TPCN1: variants seen among roughly 807,000 people sequenced by gnomAD.
The protein encoded by TPCN1 is two pore segment channel 1, also known as two pore channel protein 1.
In TPCN1, 52 loss-of-function variants were observed where a neutral mutation model predicts 108.8. The observed-to-expected ratio is 0.48, with a 90% CI of 0.38 to 0.60. The LOEUF is 0.60. Among genes scored for constraint, TPCN1 ranks in the 20% least tolerant of loss-of-function variants. TPCN1 has a pLI of 0.00. For synonymous variants in TPCN1, 446 were observed against 433.7 expected, an observed-to-expected ratio of 1.03 and a Z score of -0.35; for missense variants, 806 against 1,072.8, an observed-to-expected ratio of 0.75 and a Z score of 3.47.
rs1956427568 is a variant in TPCN1, at chr12:113,296,288, C to T, written c.*212C>T. 1.8e-5 allele frequency: 12 copies of T among 677,286 alleles called. No homozygotes were observed. Among genetic ancestry groups the T allele is most frequent in the South Asian group, 2.4e-5 (1 of 42,550 alleles). The allele number at this position is 677,286 out of a possible 1,614,324, so 42.0% of individuals were successfully genotyped here. ...GCCAGTTTGGTGAGGGGTGGGGGTG[C>T]GGCCACCAGGTCTGAGCTCTTCCTA... is the stretch of plus-strand genomic sequence containing the variant. On this transcript the variant is annotated 3_prime_UTR_variant, in exon 28 of 28. Coordinates refer to ENST00000335509, the MANE Select transcript of TPCN1 (RefSeq NM_017901.6).
intron 2 of TPCN1, among the ~76,000 whole-genome samples, chr12:113,237,362 T>C (rs1484245327): frequency 1.3e-5 from 2 of 151,920 alleles, no homozygotes; most frequent in Non-Finnish European, 2.9e-5. Flanking sequence ...CCTACTTCTT[T>C]TTTTTTTTTC....
intron 24 of TPCN1, 71 bp from the exon 25 acceptor site, chr12:113,291,803 G>A: frequency 6.4e-7 from 1 of 1,568,438 alleles, no homozygotes; most frequent in African/African-American, 1.3e-5. Context: ...GTTGGGCGTG[G>A]GCTGCGCAGC....
At chr12:113,280,568 T>G (rs954552705) in intron 15 of TPCN1, among the ~76,000 whole-genome samples, 2 of 152,194 alleles carry the variant, frequency 1.3e-5, no homozygotes, top group Admixed American at 1.3e-4. Flanking sequence ...TTTCCTGGAA[T>G]TTGGTAGTTC....
At chr12:113,278,330 C>T (rs1490563359) in intron 13 of TPCN1, 93 bp downstream of exon 13, 5 of 1,180,142 alleles carry the variant, frequency 4.2e-6, no homozygotes, top group Non-Finnish European at 5.1e-6. Flanking sequence ...CCAGCTCTCT[C>T]CCTGCTAGAG....
intron 1 of TPCN1, among the ~76,000 whole-genome samples, chr12:113,223,237 A>T (rs760396650): frequency 6.6e-6 from 1 of 152,234 alleles, no homozygotes; most frequent in African/African-American, 2.4e-5. Flanking sequence ...CCTTGTTTCA[A>T]AACGTTGTAC....
At position 113,289,959 on chromosome 12, in the gene TPCN1, T is replaced by C; in HGVS notation, c.1797-169T>C. 1 of 566,722 alleles carries C rather than the reference T, an allele frequency of 1.8e-6. No individual in the cohort carries two copies. The highest frequency in any genetic ancestry group is 2.2e-5 in the South Asian group (1 of 45,748). 35.1% of individuals were successfully genotyped at this position (566,722 alleles called of 1,614,324 possible). ...AGGCAGGAATAGCCAAGGGCATTCCTTCAGCAGGGACCCAGGCATGAGGTG... is the reference window on the plus strand; with the variant it reads ...AGGCAGGAATAGCCAAGGGCATTCCCTCAGCAGGGACCCAGGCATGAGGTG... On this transcript the variant is annotated intron_variant, in intron 21 of 27. Transcript: ENST00000335509. The surrounding 1 kb of genome is among the most constrained non-coding windows in gnomAD (Gnocchi z 4.1).
intron 2 of TPCN1, among the ~76,000 whole-genome samples, chr12:113,230,281 A>ATTTT (rs1953637517): frequency 2.3e-5 from 3 of 130,104 alleles, no homozygotes; most frequent in Non-Finnish European, 3.3e-5. Context: ...AGATCCATTC[A>ATTTT]TCTTTTTTTT....
intron 2 of TPCN1, among the ~76,000 whole-genome samples, chr12:113,230,817 G>C (rs773542077): frequency 1.2e-4 from 19 of 152,186 alleles, no homozygotes; most frequent in Non-Finnish European, 2.8e-4. Context: ...TCAACAAATA[G>C]TGGTCAGAAT....
chr12:113,273,477 G>A lies in TPCN1; in HGVS notation c.843-92G>A. ...GGGAACCAGGGTTGGAGGCTGGGAA[G>A]GCAGACAAGGAGCTGTCCTCTGCAA... On this transcript the variant is annotated intron_variant, in intron 9 of 27. Coordinates refer to ENST00000335509, the MANE Select transcript of TPCN1 (RefSeq NM_017901.6). The surrounding 1 kb of genome is among the most constrained non-coding windows in gnomAD (Gnocchi z 4.0). 7.7e-7 allele frequency: 1 copy of A among 1,306,030 alleles called. No homozygotes were observed. 80.9% of individuals were successfully genotyped at this position (1,306,030 alleles called of 1,614,324 possible). A position where few individuals can be genotyped will look rare whatever the true frequency, so the allele number is the denominator to read the frequency against.
rs527941339 is a variant in TPCN1, at chr12:113,296,457, G to A, written c.*381G>A. 65 of 206,840 alleles carry A rather than the reference G, an allele frequency of 3.1e-4. No homozygotes were observed. The highest frequency in any genetic ancestry group is 5.2e-4 in the Non-Finnish European group (54 of 103,076). 12.8% of individuals were successfully genotyped at this position (206,840 alleles called of 1,614,324 possible). On this transcript the variant is annotated 3_prime_UTR_variant, in exon 28 of 28. Transcript: ENST00000335509. ...TACTGCTTCAGGCTCACATCCCCCC[G>A]ACCTGATGGCGTGCCCGCCCCCTCT...
chr12:113,239,140 A>G (rs1010908790), intron 2 of TPCN1, among the ~76,000 whole-genome samples: 1 of 152,180 alleles, frequency 6.6e-6, no homozygotes, highest in Non-Finnish European at 1.5e-5. Context: ...CTCTAGAAAT[A>G]CATATATACA....
chr12:113,296,136 T>C lies in TPCN1; in HGVS notation c.*60T>C, dbSNP rs753491997. 2.7e-5 allele frequency: 43 copies of C among 1,587,382 alleles called. No homozygotes were observed. The highest frequency in any genetic ancestry group is 3.4e-5 in the Non-Finnish European group (40 of 1,161,548). ...ACACAATAGTATTACTCTACTGCGA[T>C]GTACGGAACTGCGGTGTGTGTACAC... On this transcript the variant is annotated 3_prime_UTR_variant, in exon 28 of 28. Coordinates refer to ENST00000335509, the MANE Select transcript of TPCN1 (RefSeq NM_017901.6).
At chr12:113,222,663 T>A (rs1953291320) in intron 1 of TPCN1, among the ~76,000 whole-genome samples, 2 of 152,262 alleles carry the variant, frequency 1.3e-5, no homozygotes, top group Admixed American at 1.3e-4. Flanking sequence ...ATGCGAGGAC[T>A]TTAATCTATG....
intron 2 of TPCN1, among the ~76,000 whole-genome samples, chr12:113,256,601 C>T (rs554254481): frequency 6.6e-6 from 1 of 152,254 alleles, no homozygotes; most frequent in East Asian, 1.9e-4. Context: ...GTTGTCCAGG[C>T]TGGCTTGAAC....
intron 2 of TPCN1, among the ~76,000 whole-genome samples, chr12:113,230,861 A>G (rs1041501225): frequency 1.3e-5 from 2 of 152,200 alleles, no homozygotes; most frequent in African/African-American, 2.4e-5. Context: ...CTCGCAGCCC[A>G]TGGGAGTGGC....
intron 2 of TPCN1, among the ~76,000 whole-genome samples, chr12:113,227,557 T>A (rs748997702): frequency 1.3e-5 from 2 of 152,076 alleles, no homozygotes; most frequent in Admixed American, 6.6e-5. Flanking sequence ...TTTTTTAAAT[T>A]TTAAGTGTGT....
chr12:113,246,074 T>A (rs781747733), intron 2 of TPCN1: 3 of 455,406 alleles, frequency 6.6e-6, no homozygotes, highest in South Asian at 4.7e-5. Flanking sequence ...GTCATTCTGG[T>A]TTGTCTGCCT....
Position 113,269,696 on chromosome 12 carries a change from A to G in TPCN1, c.660-61A>G. 7.0e-7 allele frequency: 1 copy of G among 1,419,228 alleles called. No homozygotes were observed. The highest frequency in any genetic ancestry group is 1.7e-5 in the Admixed American group (1 of 58,640). 87.9% of individuals were successfully genotyped at this position (1,419,228 alleles called of 1,614,324 possible). A position where few individuals can be genotyped will look rare whatever the true frequency, so the allele number is the denominator to read the frequency against. ...GCACTAGGCCTCCATCTCAACAAGG[A>G]GGAGTCCCAGGCAGCCCGCCCCAGC... On this transcript the variant is annotated intron_variant, in intron 6 of 27. Transcript: ENST00000335509. This position sits in a 1 kb window ranked among gnomAD's most constrained non-coding sequence, Gnocchi z 5.0.
At chr12:113,274,397 G>A (rs1256678584) in intron 10 of TPCN1, among the ~76,000 whole-genome samples, 4 of 151,936 alleles carry the variant, frequency 2.6e-5, no homozygotes, top group African/African-American at 4.8e-5. Context: ...GCTGTGAGCC[G>A]AGATCATGCC....
Sources: gnomAD v4.1 joint callset for allele counts (sites outside exome capture counted in the v4.1 genomes callset) on GRCh38, gnomAD v4.1.1 for gene constraint, Gnocchi (gnomAD v3.1) non-coding constraint, MANE v1.5 for transcripts, NCBI Gene and HGNC (gene_info 2026-07-23, HGNC 2026-07-21) for gene names.